The following MME variants were observed in gnomAD, a reference collection of about 807,000 sequenced individuals.
MME encodes the protein neprilysin.
MME carries 98 observed loss-of-function variants against 113.2 expected under a neutral mutation model. That is an observed-to-expected ratio of 0.87 (90% CI 0.74 to 1.02). The LOEUF (loss-of-function observed/expected upper bound fraction) is 1.02. Among genes scored for constraint, MME ranks in the 50% least tolerant of loss-of-function variants. The probability of loss-of-function intolerance (pLI) is 0.00; values close to 1 mark genes in which losing one functional copy is unlikely to be tolerated. For synonymous variants in MME, 292 were observed against 300.6 expected, an observed-to-expected ratio of 0.97 and a Z score of 0.30; for missense variants, 836 against 896.0, an observed-to-expected ratio of 0.93 and a Z score of 0.86.
At chr3:155,076,792 T>G (rs1327128459), upstream of MME, among the ~76,000 whole-genome samples, 1 of 152,216 alleles carries the variant, frequency 6.6e-6, no homozygotes, top group East Asian at 1.9e-4. Flanking sequence ...CTCCCCTTTT[T>G]AAACTATATA....
chr3:155,079,459 G>A (rs549452993), upstream of MME, among the ~76,000 whole-genome samples: 25 of 152,242 alleles, frequency 1.6e-4, no homozygotes, highest in African/African-American at 6.0e-4. Flanking sequence ...TTTGGGAATG[G>A]TGAGATGGGG....
chr3:155,072,454 T>C (rs1714611614), intron 1 of MME, among the ~76,000 whole-genome samples: 1 of 152,250 alleles, frequency 6.6e-6, no homozygotes, highest in Admixed American at 6.5e-5. Flanking sequence ...TCTTTGTATC[T>C]ATAATATTCT....
upstream of MME, among the ~76,000 whole-genome samples, chr3:155,077,773 A>T (rs1353533336): frequency 6.6e-6 from 1 of 152,086 alleles, no homozygotes; most frequent in Non-Finnish European, 1.5e-5. Context: ...AAAAGAAAAA[A>T]ATATTTGTTC....
rs144326305 is a variant in MME at position 155,137,195 on chromosome 3, G to A, written c.721-907G>A. On this transcript the variant is annotated intron_variant, in intron 8 of 22. Coordinates refer to ENST00000360490, the MANE Select transcript of MME (RefSeq NM_007289.4). ...AACTAATATCTAAATCTATGGTATC[G>A]TATAGTGAAATTTTACAGTAACAGG... Among the ~76,000 whole-genome samples, 724 of 152,204 alleles carry A rather than the reference G, an allele frequency of 4.8e-3. 7 individuals are homozygous for A. Among genetic ancestry groups the A allele is most frequent in the African/African-American group, 0.016 (684 of 41,544 alleles).
chr3:155,046,860 A>T (rs1046866031), intron 1 of MME, among the ~76,000 whole-genome samples: 1 of 152,206 alleles, frequency 6.6e-6, no homozygotes, highest in African/African-American at 2.4e-5. Context: ...TTAGAGGATA[A>T]GGTTCTAAAG....
At chr3:155,147,267 G>C in intron 15 of MME, 43 bp downstream of exon 15, 1 of 1,210,756 alleles carries the variant, frequency 8.3e-7, no homozygotes, top group Non-Finnish European at 1.2e-6. Flanking sequence ...GATACTTAGG[G>C]CTGGTAGTAG....
At chr3:155,119,702 A>T (rs1718953611) in intron 8 of MME, among the ~76,000 whole-genome samples, 1 of 151,392 alleles carries the variant, frequency 6.6e-6, no homozygotes, top group South Asian at 2.1e-4. Flanking sequence ...TTTACTGAGA[A>T]TGATTTCCAA....
At chr3:155,059,540 T>C (rs1714066504) in intron 1 of MME, among the ~76,000 whole-genome samples, 1 of 152,136 alleles carries the variant, frequency 6.6e-6, no homozygotes, top group African/African-American at 2.4e-5. Context: ...GGGACAGAGA[T>C]GGAACCTAGG....
At chr3:155,147,258 A>T (rs1721590432) in intron 15 of MME, 34 bp downstream of exon 15, 1 of 1,294,704 alleles carries the variant, frequency 7.7e-7, no homozygotes, top group South Asian at 1.2e-5. Context: ...TGGACTACTG[A>T]TACTTAGGGC....
At position 155,064,181 on chromosome 3, in the gene MME, C is replaced by A. The variant is rs913671274; in HGVS notation, c.-10-19977C>A. On this transcript the variant is annotated intron_variant, in intron 1 of 22. Coordinates refer to the MME transcript ENST00000492661. ...GCAGGCACCTGTAATCCCAGGTAGT[C>A]GGGAGGCTGAGACAGGAGAATCGCT... Among the ~76,000 whole-genome samples the A allele has an allele frequency of 3.3e-5, 5 of 151,816 alleles. No individual in the cohort carries two copies. In the East Asian group the frequency reaches 5.8e-4, roughly 18 times the overall value.
At chr3:155,147,032 A>G (rs1721569051) in intron 14 of MME, 112 bp from the exon 15 acceptor site, 1 of 729,822 alleles carries the variant, frequency 1.4e-6, no homozygotes, top group Non-Finnish European at 2.5e-6. Context: ...TCAGACACTC[A>G]TTTTATGAAC....
intron 8 of MME, among the ~76,000 whole-genome samples, chr3:155,124,136 C>G (rs1293296237): frequency 3.8e-4 from 57 of 149,378 alleles, no homozygotes; most frequent in Non-Finnish European, 5.8e-4. Context: ...TCGTTTTTCT[C>G]TAAACTTCCC....
At chr3:155,157,191 A>G (rs1722380291) in intron 16 of MME, among the ~76,000 whole-genome samples, 1 of 152,094 alleles carries the variant, frequency 6.6e-6, no homozygotes, top group Non-Finnish European at 1.5e-5. Context: ...CTTACCTGAC[A>G]AAATTACATC....
intron 16 of MME, among the ~76,000 whole-genome samples, chr3:155,151,809 A>G (rs986938509): frequency 1.3e-5 from 2 of 152,168 alleles, no homozygotes. Context: ...TTTAAATATT[A>G]CGTAGGAATG....
At chr3:155,077,226 C>A (rs575997884), upstream of MME, among the ~76,000 whole-genome samples, 1 of 152,140 alleles carries the variant, frequency 6.6e-6, no homozygotes, top group African/African-American at 2.4e-5. Context: ...TGCACTATAG[C>A]ATTTTTAAAG....
chr3:155,064,587 T>A (rs1714324695), intron 1 of MME, among the ~76,000 whole-genome samples: 1 of 152,198 alleles, frequency 6.6e-6, no homozygotes, highest in Admixed American at 6.5e-5. Flanking sequence ...GTAACTCAAT[T>A]ATGTTGATGA....
intron 22 of MME, 56 bp from the exon 23 acceptor site, chr3:155,180,304 G>A: frequency 8.2e-7 from 1 of 1,226,204 alleles, no homozygotes. Flanking sequence ...GGGCTCCAGT[G>A]TGGTATGGAC....
chr3:155,174,811 C>A (rs1486345262), intron 22 of MME, among the ~76,000 whole-genome samples: 2 of 152,092 alleles, frequency 1.3e-5, no homozygotes, highest in Non-Finnish European at 2.9e-5. Flanking sequence ...GAATCTAATT[C>A]TAAGGATAGC....
At chr3:155,147,246 T>A in intron 15 of MME, 22 bp downstream of exon 15, 1 of 1,400,272 alleles carries the variant, frequency 7.1e-7, no homozygotes, top group Non-Finnish European at 1.0e-6. Flanking sequence ...TAAAATAGAC[T>A]CTGGACTACT....
Sources: gnomAD v4.1 joint callset for allele counts (sites outside exome capture counted in the v4.1 genomes callset) on GRCh38, gnomAD v4.1.1 for gene constraint, MANE v1.5 for transcripts, NCBI Gene and HGNC (gene_info 2026-07-23, HGNC 2026-07-21) for gene names.